Variants in SPINK1 observed in about 807,000 individuals in gnomAD.
SPINK1 encodes the protein serine protease inhibitor Kazal-type 1.
Under a neutral mutation model 9.5 loss-of-function variants are expected in SPINK1, and 5 were observed. That is an observed-to-expected ratio of 0.52 (90% CI 0.27 to 1.10). The LOEUF is 1.10. Among genes scored for constraint, SPINK1 ranks in the 50% least tolerant of loss-of-function variants. SPINK1 has a pLI of 0.11. For missense variants in SPINK1, 88 were observed against 92.7 expected (o/e 0.95, Z 0.21); for synonymous variants, 37 against 32.3 (o/e 1.14, Z -0.49).
chr5:147,830,283 T>C (rs944016787), intron 1 of SPINK1, among the ~76,000 whole-genome samples: 3 of 152,176 alleles, frequency 2.0e-5, no homozygotes, highest in African/African-American at 7.2e-5. Context: ...GTAGTCAAAA[T>C]AGCTAATCTC....
the SPINK1 span, among the ~76,000 whole-genome samples, chr5:147,838,260 C>G: frequency 6.6e-6 from 1 of 152,078 alleles, no homozygotes; most frequent in Non-Finnish European, 1.5e-5. Flanking sequence ...TTCTTGTAAC[C>G]TATGAAAATC....
upstream of SPINK1, among the ~76,000 whole-genome samples, chr5:147,835,638 G>A (rs746464753): frequency 6.6e-6 from 1 of 152,022 alleles, no homozygotes; most frequent in African/African-American, 2.4e-5. Context: ...ATTCACCTGA[G>A]TAAAGAGTGA....
At chr5:147,836,399 T>G (rs1047229893), upstream of SPINK1, among the ~76,000 whole-genome samples, 18 of 152,000 alleles carry the variant, frequency 1.2e-4, no homozygotes, top group African/African-American at 4.3e-4. Context: ...AATTTAATAC[T>G]GCCACAAAGA....
At chr5:147,829,364 C>A (rs975140535) in intron 2 of SPINK1, among the ~76,000 whole-genome samples, 1 of 152,182 alleles carries the variant, frequency 6.6e-6, no homozygotes, top group Non-Finnish European at 1.5e-5. Flanking sequence ...AAAACCCCTT[C>A]ACAGCAAGCA....
chr5:147,826,642 G>A (rs561818738), intron 3 of SPINK1, among the ~76,000 whole-genome samples: 1 of 152,104 alleles, frequency 6.6e-6, no homozygotes, highest in Non-Finnish European at 1.5e-5. Context: ...TTAATGTCAA[G>A]AACATGGGTC....
In SPINK1 at chr5:147,824,627, G is replaced by A. The variant is rs377333227; in HGVS notation, c.*34C>T. Reference sequence around the variant, plus strand: ...TCAACAATAAGGCCAGTCAGGCCTCGCGGTGACCTGATGGGATTTCAAAAC... The same window carrying A: ...TCAACAATAAGGCCAGTCAGGCCTCACGGTGACCTGATGGGATTTCAAAAC... On this transcript the variant is annotated 3_prime_UTR_variant, in exon 4 of 4. Coordinates refer to ENST00000296695, the MANE Select transcript of SPINK1 (RefSeq NM_001379610.1). 1,321 of 1,606,222 alleles carry A rather than the reference G, an allele frequency of 8.2e-4. 26 individuals are homozygous for A. The South Asian group carries it at 0.014, about 17-fold the overall frequency.
chr5:147,830,959 T>C (rs188935626), intron 1 of SPINK1, among the ~76,000 whole-genome samples: 2 of 152,318 alleles, frequency 1.3e-5, no homozygotes, highest in African/African-American at 2.4e-5. Flanking sequence ...AATTTTTGTA[T>C]TTCCAGATAC....
the SPINK1 span, among the ~76,000 whole-genome samples, chr5:147,837,714 T>TTTCC: frequency 6.8e-6 from 1 of 146,968 alleles, no homozygotes; most frequent in Non-Finnish European, 1.5e-5. Context: ...TCTTTCTTTC[T>TTTCC]TTTTTGGGAT....
rs529627158 is a variant in SPINK1 at position 147,824,721 on chromosome 5, A to T, written c.195-15T>A. 33 of 1,587,726 alleles carry T rather than the reference A, an allele frequency of 2.1e-5. No individual in the cohort carries two copies. Among genetic ancestry groups the T allele is most frequent in the South Asian group, 4.4e-5 (4 of 90,220 alleles). ...TCTGGCGTTTCCTGCAGTAGAGATT[A>T]AAAAAAATATATCAGCTTAAACTTC... On this transcript the variant is annotated splice_polypyrimidine_tract_variant and intron_variant, in intron 3 of 3. Transcript: ENST00000296695.
upstream of SPINK1, among the ~76,000 whole-genome samples, chr5:147,834,819 T>G (rs1030844276): frequency 1.3e-5 from 2 of 152,120 alleles, no homozygotes; most frequent in Non-Finnish European, 2.9e-5. Flanking sequence ...AAGTAAAAAT[T>G]TTGAGTTATG....
intron 2 of SPINK1, 113 bp from the exon 3 acceptor site, chr5:147,828,241 A>T: frequency 1.2e-6 from 1 of 846,334 alleles, no homozygotes. Context: ...TGGGAGAATG[A>T]TACTGTGTGT....
the SPINK1 span, among the ~76,000 whole-genome samples, chr5:147,836,842 A>G: frequency 1.3e-5 from 2 of 152,198 alleles, no homozygotes; most frequent in Admixed American, 6.5e-5. Context: ...TTCCTTGTCT[A>G]GAACAGAAAC....
At chr5:147,827,384 G>T (rs1412348301) in intron 3 of SPINK1, 1 of 152,360 alleles carries the variant, frequency 6.6e-6, no homozygotes, top group South Asian at 2.1e-4. Context: ...TAAAAAATAT[G>T]TATCTCTGCT....
At chr5:147,828,406 C>T (rs998278960) in intron 2 of SPINK1, among the ~76,000 whole-genome samples, 20 of 152,308 alleles carry the variant, frequency 1.3e-4, no homozygotes, top group African/African-American at 4.8e-4. Flanking sequence ...CATTTCCCAC[C>T]TATCTCATAG....
chr5:147,834,353 G>T (rs915531298), upstream of SPINK1, among the ~76,000 whole-genome samples: 7 of 151,950 alleles, frequency 4.6e-5, no homozygotes, highest in Non-Finnish European at 7.4e-5. Flanking sequence ...TTCACCATTC[G>T]GCCTTTTATT....
At chr5:147,830,315 AG>A (rs912405433) in intron 1 of SPINK1, among the ~76,000 whole-genome samples, 7 of 152,208 alleles carry the variant, frequency 4.6e-5, no homozygotes, top group African/African-American at 1.7e-4. Context: ...AAAATAGCAG[AG>A]GTTTTGCTGA....
intron 1 of SPINK1, 52 bp from the exon 2 acceptor site, chr5:147,829,682 T>C (rs1488861420): frequency 2.0e-6 from 3 of 1,523,998 alleles, no homozygotes; most frequent in Non-Finnish European, 2.7e-6. Flanking sequence ...AGAAGTCAGA[T>C]CTATTCTTCA....
chr5:147,830,827 C>T lies in SPINK1; in HGVS notation c.55+696G>A, dbSNP rs114295717. ...AAAAAGGAAACTGATCTTGGCTCTG[C>T]GGGTTCAGAGTTGTCTGTCAACATT... On this transcript the variant is annotated intron_variant, in intron 1 of 3. Coordinates refer to ENST00000296695, the MANE Select transcript of SPINK1 (RefSeq NM_001379610.1). 3.1e-3 allele frequency among the ~76,000 whole-genome samples: 469 copies of T among 152,210 alleles called. 3 individuals are homozygous for T. The highest frequency in any genetic ancestry group is 9.8e-3 in the African/African-American group (409 of 41,544).
Sources: gnomAD v4.1 joint callset for allele counts (sites outside exome capture counted in the v4.1 genomes callset) on GRCh38, gnomAD v4.1.1 for gene constraint, MANE v1.5 for transcripts, NCBI Gene and HGNC (gene_info 2026-07-23, HGNC 2026-07-21) for gene names.